The following CCNY variants were observed in gnomAD, a reference collection of about 807,000 sequenced individuals.
CCNY encodes the protein cyclin-Y.
In CCNY, 19 loss-of-function variants were observed where a neutral mutation model predicts 42.8. That is an observed-to-expected ratio of 0.44 (90% CI 0.31 to 0.65). The LOEUF (loss-of-function observed/expected upper bound fraction) is 0.65. Ranked by LOEUF, CCNY falls within the 30% of genes least tolerant of loss-of-function variation. The pLI, the probability that CCNY is intolerant of heterozygous loss-of-function variation, is 0.07. For missense variants in CCNY, 370 were observed against 437.3 expected, an observed-to-expected ratio of 0.85 and a Z score of 1.37; for synonymous variants, 165 against 162.7, an observed-to-expected ratio of 1.01 and a Z score of -0.11.
chr10:35,316,056 C>T (rs1040656966), intron 3 of CCNY, among the ~76,000 whole-genome samples: 2 of 152,164 alleles, frequency 1.3e-5, no homozygotes, highest in African/African-American at 4.8e-5. Flanking sequence ...GTATCATATA[C>T]AGTGCATTTT....
chr10:35,506,623 A>G lies in CCNY; in HGVS notation c.264+5088A>G, dbSNP rs571645658. ...GAGGCACAAAGGAAGTGGCACTTGT[A>G]AAGTGTAATGGTCCATTCAAATACA... On this transcript the variant is annotated intron_variant, in intron 3 of 9. Transcript: ENST00000374704. Among the ~76,000 whole-genome samples, 3 of 152,284 alleles carry G rather than the reference A, an allele frequency of 2.0e-5. No homozygotes were observed. In the South Asian group the frequency reaches 6.2e-4, roughly 32 times the overall value.
chr10:35,477,664 A>C (rs11591523), intron 1 of CCNY, among the ~76,000 whole-genome samples: 6 of 149,538 alleles, frequency 4.0e-5, no homozygotes, highest in Non-Finnish European at 7.5e-5. Context: ...ATCTATGACA[A>C]ACCCACAGCC....
intron 3 of CCNY, among the ~76,000 whole-genome samples, chr10:35,256,942 A>C (rs2095715979): frequency 6.6e-6 from 1 of 152,154 alleles, no homozygotes; most frequent in Non-Finnish European, 1.5e-5. Flanking sequence ...TAGATTTTTG[A>C]CTAATTTTTA....
intron 1 of CCNY, among the ~76,000 whole-genome samples, chr10:35,376,302 C>T (rs1837050564): frequency 6.6e-6 from 1 of 152,176 alleles, no homozygotes; most frequent in Non-Finnish European, 1.5e-5. Context: ...CGCAGCAGTG[C>T]CACTCTTAGG....
intron 1 of CCNY, among the ~76,000 whole-genome samples, chr10:35,444,340 C>T (rs897279658): frequency 2.0e-5 from 3 of 151,820 alleles, no homozygotes; most frequent in Admixed American, 6.6e-5. Context: ...CTCTGCCCCC[C>T]GGGTTCAAGC....
At chr10:35,561,090 T>C (rs574990454) in intron 8 of CCNY, among the ~76,000 whole-genome samples, 172 of 152,280 alleles carry the variant, frequency 1.1e-3, no homozygotes, top group African/African-American at 3.7e-3. Context: ...TGCAGTACCT[T>C]AGATGAACAA....
In CCNY at chr10:35,530,479, A is replaced by C. The variant is rs1840743275; in HGVS notation, c.579+236A>C. Among the ~76,000 whole-genome samples, 1 of 152,264 alleles carries C rather than the reference A, an allele frequency of 6.6e-6. No homozygotes were observed. The highest frequency in any genetic ancestry group is 2.1e-4 in the South Asian group (1 of 4,834). ...TAAAGTCATTTGTGAAATCACGTTC[A>C]AATCCAGGAAATGCTGAAATTAAAA... On this transcript the variant is annotated intron_variant, in intron 7 of 9. Transcript: ENST00000374704. This position sits in a 1 kb window ranked among gnomAD's most constrained non-coding sequence, Gnocchi z 4.3.
intron 1 of CCNY, among the ~76,000 whole-genome samples, chr10:35,450,588 A>T (rs1341534352): frequency 6.6e-6 from 1 of 152,060 alleles, no homozygotes; most frequent in African/African-American, 2.4e-5. Context: ...GGCTGCTGGC[A>T]CATTGGGAAG....
At chr10:35,454,510 G>A (rs1375706449) in intron 1 of CCNY, among the ~76,000 whole-genome samples, 1 of 152,236 alleles carries the variant, frequency 6.6e-6, no homozygotes, top group African/African-American at 2.4e-5. Flanking sequence ...GCCTGGTAGA[G>A]TTAGGGGTGG....
intron 4 of CCNY, among the ~76,000 whole-genome samples, chr10:35,525,050 A>T (rs1199100591): frequency 1.3e-5 from 2 of 152,240 alleles, no homozygotes; most frequent in Non-Finnish European, 2.9e-5. Flanking sequence ...GGTATTAATT[A>T]TAATTGCAAA....
intron 1 of CCNY, among the ~76,000 whole-genome samples, chr10:35,465,905 A>AAGAGAGAGAGAGAGAGAGAGAGAG (rs56166429): frequency 8.1e-5 from 8 of 99,218 alleles, no homozygotes; most frequent in African/African-American, 2.0e-4. Context: ...GGGTAGGGGG[A>AAGAGAGAGAGAGAGAGAGAGAGAG]AGAGAGAGAG....
In CCNY at chr10:35,553,343, A is replaced by G. The variant is rs556913754; in HGVS notation, c.746+158A>G. 3.4e-4 allele frequency among the ~76,000 whole-genome samples: 52 copies of G among 152,340 alleles called. No individual in the cohort carries two copies. In the Middle Eastern group the frequency reaches 0.01, roughly 30 times the overall value. ...TACAACAGGGGCATGGCTGTGGAAT[A>G]TTACATATGAAAACCTGCATTTCTC... On this transcript the variant is annotated intron_variant, in intron 8 of 9. Transcript: ENST00000374704.
chr10:35,557,156 A>G (rs1338557959), intron 8 of CCNY, among the ~76,000 whole-genome samples: 1 of 152,196 alleles, frequency 6.6e-6, no homozygotes, highest in Non-Finnish European at 1.5e-5. Flanking sequence ...TGTTATTTGC[A>G]ATATATTTTA....
rs138030089 is a variant in CCNY at position 35,274,135 on chromosome 10, C to G, written c.-9+23509C>G. Among the ~76,000 whole-genome samples the G allele has an allele frequency of 4.6e-3, 704 of 152,286 alleles. 6 individuals carry two copies. The highest frequency in any genetic ancestry group is 0.01 in the Middle Eastern group (3 of 294). On this transcript the variant is annotated intron_variant, in intron 3 of 11. Coordinates refer to the CCNY transcript ENST00000374706. ...CAGTTTCACATGGCTGGGGAGGCCT[C>G]ACAATCATGGCAGAAGGCAAAGGAG...
intron 3 of CCNY, among the ~76,000 whole-genome samples, chr10:35,262,823 C>A (rs564490187): frequency 6.6e-6 from 1 of 151,620 alleles, no homozygotes; most frequent in Non-Finnish European, 1.5e-5. Flanking sequence ...AGTCTTTTCT[C>A]GGAAGAGTTT....
chr10:35,464,122 T>A (rs935321731), intron 1 of CCNY, among the ~76,000 whole-genome samples: 16 of 152,154 alleles, frequency 1.1e-4, no homozygotes, highest in Admixed American at 3.3e-4. Context: ...GCTGTGGTTA[T>A]CCCACAGATA....
chr10:35,304,521 G>A (rs541545414), intron 3 of CCNY, among the ~76,000 whole-genome samples: 1 of 58,590 alleles, frequency 1.7e-5, no homozygotes, highest in Admixed American at 1.8e-4. Flanking sequence ...CGTTTTAGCC[G>A]GGATGGTCTC....
intron 3 of CCNY, among the ~76,000 whole-genome samples, chr10:35,295,104 G>C (rs1835455555): frequency 6.6e-6 from 1 of 151,980 alleles, no homozygotes; most frequent in Non-Finnish European, 1.5e-5. Flanking sequence ...GCAGTGAGCT[G>C]AGATTGCACC....
rs148305289 is a variant in CCNY, at chr10:35,255,038, C to T, written c.-9+4412C>T. 4.6e-3 allele frequency among the ~76,000 whole-genome samples: 699 copies of T among 152,192 alleles called. 4 individuals carry two copies. Among genetic ancestry groups the T allele is most frequent in the African/African-American group, 0.016 (657 of 41,530 alleles). On this transcript the variant is annotated intron_variant, in intron 3 of 11. Coordinates refer to the CCNY transcript ENST00000374706. The stretch of plus-strand genomic sequence containing the variant: ...TACCCTGGGTAACTTTCCATGTACA[C>T]CTGAGAAGAGTGTGTATCCTGTTGT...
Sources: gnomAD v4.1 joint callset for allele counts (sites outside exome capture counted in the v4.1 genomes callset) on GRCh38, gnomAD v4.1.1 for gene constraint, Gnocchi (gnomAD v3.1) non-coding constraint, MANE v1.5 for transcripts, NCBI Gene and HGNC (gene_info 2026-07-23, HGNC 2026-07-21) for gene names.